Variants in NLRP9 observed in about 807,000 individuals in gnomAD.
NLRP9 encodes the protein NACHT, LRR and PYD domains-containing protein 9.
Under a neutral mutation model 83.1 loss-of-function variants are expected in NLRP9, and 88 were observed. The observed-to-expected ratio is 1.06, with a 90% CI of 0.89 to 1.26. The LOEUF (loss-of-function observed/expected upper bound fraction) is 1.26. NLRP9 is among the 50% of genes most tolerant of loss of function. The pLI, the probability that NLRP9 is intolerant of heterozygous loss-of-function variation, is 0.00. For missense variants in NLRP9, 1,308 were observed against 1,179.3 expected, an observed-to-expected ratio of 1.11 and a Z score of -1.60; for synonymous variants, 521 against 447.6, an observed-to-expected ratio of 1.16 and a Z score of -2.07.
intron 4 of NLRP9, among the ~76,000 whole-genome samples, chr19:55,719,015 T>G (rs1421392874): frequency 6.6e-6 from 1 of 152,156 alleles, no homozygotes; most frequent in African/African-American, 2.4e-5. Context: ...TTTATTAAAT[T>G]AGGTGAGAGT....
intron 8 of NLRP9, 149 bp from the exon 9 acceptor site, chr19:55,709,193 A>G: frequency 3.8e-6 from 2 of 530,294 alleles, no homozygotes; most frequent in Non-Finnish European, 6.3e-6. Flanking sequence ...AACAAGCATG[A>G]ATCTTTCCTA....
intron 4 of NLRP9, among the ~76,000 whole-genome samples, chr19:55,721,249 C>CAATAATAA (rs1988216548): frequency 6.6e-6 from 1 of 152,178 alleles, no homozygotes; most frequent in Non-Finnish European, 1.5e-5. Flanking sequence ...TGGGACTTCT[C>CAATAATAA]TGTACTATTA....
intron 4 of NLRP9, among the ~76,000 whole-genome samples, chr19:55,717,374 T>A (rs1988062930): frequency 6.6e-6 from 1 of 152,100 alleles, no homozygotes; most frequent in Admixed American, 6.5e-5. Flanking sequence ...ATGACATGAC[T>A]CCCTCATTAA....
chr19:55,723,357 GA>G (rs35694894), intron 4 of NLRP9, among the ~76,000 whole-genome samples: 13 of 150,962 alleles, frequency 8.6e-5, no homozygotes, highest in South Asian at 2.1e-4. Flanking sequence ...TATCTTTAGG[GA>G]AAAAAAAATG....
chr19:55,709,157 C>T, intron 8 of NLRP9, 113 bp from the exon 9 acceptor site: 1 of 700,192 alleles, frequency 1.4e-6, no homozygotes, highest in East Asian at 3.2e-5. Context: ...CTAGAAATCA[C>T]TGGGAGAATT....
intron 4 of NLRP9, among the ~76,000 whole-genome samples, chr19:55,721,333 G>A (rs1018715744): frequency 2.6e-5 from 4 of 152,128 alleles, no homozygotes; most frequent in African/African-American, 9.7e-5. Flanking sequence ...TGGCTGATGT[G>A]GAGAAACAGG....
intron 4 of NLRP9, among the ~76,000 whole-genome samples, chr19:55,720,855 C>T (rs1600133585): frequency 6.6e-6 from 1 of 152,318 alleles, no homozygotes; most frequent in Middle Eastern, 3.4e-3. Flanking sequence ...TGGGCTACAT[C>T]AGCACATCAA....
At chr19:55,712,052 C>T in intron 7 of NLRP9, 82 bp from the exon 8 acceptor site, 1 of 1,365,818 alleles carries the variant, frequency 7.3e-7, no homozygotes, top group South Asian at 1.3e-5. Context: ...GCTAATTACA[C>T]ACCTCCCGGC....
intron 4 of NLRP9, among the ~76,000 whole-genome samples, chr19:55,723,042 T>A (rs1160168410): frequency 6.6e-6 from 1 of 152,122 alleles, no homozygotes; most frequent in Non-Finnish European, 1.5e-5. Context: ...ATATACCTAA[T>A]GTAAATGACG....
chr19:55,717,554 C>T (rs1988069051), intron 4 of NLRP9, among the ~76,000 whole-genome samples: 1 of 152,118 alleles, frequency 6.6e-6, no homozygotes, highest in African/African-American at 2.4e-5. Context: ...CAGGACAGAC[C>T]CTGCCACAAA....
intron 2 of NLRP9, among the ~76,000 whole-genome samples, chr19:55,730,542 T>C (rs568920259): frequency 1.3e-3 from 193 of 150,778 alleles, no homozygotes; most frequent in Non-Finnish European, 2.3e-3. Context: ...ATAAAGAAAA[T>C]GTGGTACATA....
At chr19:55,728,719 C>T (rs1988473261) in intron 3 of NLRP9, among the ~76,000 whole-genome samples, 1 of 152,152 alleles carries the variant, frequency 6.6e-6, no homozygotes, top group Non-Finnish European at 1.5e-5. Context: ...GCCAATAATT[C>T]AACGCAATAA....
At chr19:55,721,915 C>T (rs965768397) in intron 4 of NLRP9, among the ~76,000 whole-genome samples, 6 of 148,222 alleles carry the variant, frequency 4.0e-5, no homozygotes, top group South Asian at 2.1e-4. Context: ...CAAGCCACAT[C>T]GAACTGCAAG....
At chr19:55,734,349 C>T (rs1469588672) in intron 1 of NLRP9, among the ~76,000 whole-genome samples, 1 of 114,646 alleles carries the variant, frequency 8.7e-6, no homozygotes, top group African/African-American at 3.5e-5. Flanking sequence ...GGGCAACAGC[C>T]TGACACTCTA....
chr19:55,728,944 GTAA>G (rs1426221098), intron 3 of NLRP9, among the ~76,000 whole-genome samples: 4 of 149,928 alleles, frequency 2.7e-5, no homozygotes, highest in Admixed American at 1.3e-4. Flanking sequence ...TTGTATAAAA[GTAA>G]TAATAAAAAC....
chr19:55,729,050 C>CATTTT, intron 3 of NLRP9, among the ~76,000 whole-genome samples: 1 of 70,250 alleles, frequency 1.4e-5, no homozygotes, highest in African/African-American at 5.4e-5. Context: ...TTTTCTTTTT[C>CATTTT]TTTTTTTTTT....
chr19:55,713,558 A>AGAAG (rs566577645), intron 6 of NLRP9, among the ~76,000 whole-genome samples: 21 of 107,424 alleles, frequency 2.0e-4, no homozygotes, highest in African/African-American at 6.9e-4. Flanking sequence ...CAGGAGAGAA[A>AGAAG]GTGCCCCTGG....
intron 2 of NLRP9, among the ~76,000 whole-genome samples, chr19:55,731,331 G>T (rs1249761390): frequency 7.4e-6 from 1 of 135,162 alleles, no homozygotes; most frequent in Non-Finnish European, 1.6e-5. Context: ...AGGGGGAAAA[G>T]AAAAGCACAG....
chr19:55,736,403 A>T (rs892852809), intron 1 of NLRP9, among the ~76,000 whole-genome samples: 10 of 150,954 alleles, frequency 6.6e-5, no homozygotes, highest in African/African-American at 1.5e-4. Flanking sequence ...AAAAGAAAAA[A>T]GTCATGTCAT....
Sources: gnomAD v4.1 joint callset for allele counts (sites outside exome capture counted in the v4.1 genomes callset) on GRCh38, gnomAD v4.1.1 for gene constraint, MANE v1.5 for transcripts, NCBI Gene and HGNC (gene_info 2026-07-23, HGNC 2026-07-21) for gene names.